INSYN2B: variants seen among roughly 807,000 people sequenced by gnomAD.
The protein encoded by INSYN2B is protein INSYN2B.
Under a neutral mutation model 41.2 loss-of-function variants are expected in INSYN2B, and 16 were observed. The observed-to-expected ratio is 0.39, with a 90% CI of 0.26 to 0.59. The LOEUF (loss-of-function observed/expected upper bound fraction) is 0.59, where lower values mean the gene tolerates loss of function less well. INSYN2B is among the 20% of genes least tolerant of loss of function. The pLI is 0.57. For synonymous variants in INSYN2B, 245 were observed against 244.4 expected (o/e 1.00, Z -0.02); for missense variants, 608 against 646.4 (o/e 0.94, Z 0.64).
intron 1 of INSYN2B, among the ~76,000 whole-genome samples, chr5:169,907,175 T>G (rs1019717256): frequency 2.0e-5 from 3 of 152,220 alleles, no homozygotes; most frequent in African/African-American, 7.2e-5. Context: ...TGAGGCATTT[T>G]GGTCACCAGT....
At chr5:169,969,929 T>C (rs76583300) in intron 1 of INSYN2B, among the ~76,000 whole-genome samples, 2,190 of 152,388 alleles carry the variant, frequency 0.014, 25 homozygotes, top group Middle Eastern at 0.065. Flanking sequence ...CAAGTTCTTC[T>C]GGTTTTTAAT....
rs1215983446 is a variant in INSYN2B at position 169,862,632 on chromosome 5, G to A, written c.*1641C>T. On this transcript the variant is annotated 3_prime_UTR_variant, in exon 4 of 4. Coordinates refer to ENST00000377365, the MANE Select transcript of INSYN2B (RefSeq NM_001129891.3). ...TATATATTCCGGTCTGATTCTGTGG[G>A]CTTAAACATTACACTAGAAACAGAA... Among the ~76,000 whole-genome samples the A allele has an allele frequency of 1.3e-5, 2 of 152,184 alleles. No individual in the cohort carries two copies. The highest frequency in any genetic ancestry group is 1.9e-4 in the East Asian group (1 of 5,194).
chr5:169,919,099 G>A (rs948816740), intron 1 of INSYN2B, among the ~76,000 whole-genome samples: 9 of 152,184 alleles, frequency 5.9e-5, no homozygotes, highest in African/African-American at 2.2e-4. Flanking sequence ...AGGACACTAT[G>A]ATCTTTGATT....
At chr5:169,897,980 A>G (rs1230485128) in intron 1 of INSYN2B, among the ~76,000 whole-genome samples, 7 of 152,220 alleles carry the variant, frequency 4.6e-5, no homozygotes, top group African/African-American at 1.7e-4. Flanking sequence ...GAGCAATCAA[A>G]TCACTTTTTA....
chr5:169,919,470 C>T (rs1775056075), intron 1 of INSYN2B, among the ~76,000 whole-genome samples: 1 of 152,136 alleles, frequency 6.6e-6, no homozygotes, highest in Admixed American at 6.5e-5. Flanking sequence ...ATTAATTGAC[C>T]CCAGGCTGGC....
chr5:169,947,002 C>A (rs1202692459), intron 1 of INSYN2B, among the ~76,000 whole-genome samples: 1 of 152,168 alleles, frequency 6.6e-6, no homozygotes, highest in African/African-American at 2.4e-5. Context: ...TGGAGAGGAG[C>A]GCTGAGTATA....
intron 1 of INSYN2B, among the ~76,000 whole-genome samples, chr5:169,933,359 G>T (rs1775845312): frequency 6.6e-6 from 1 of 152,176 alleles, no homozygotes; most frequent in South Asian, 2.1e-4. Flanking sequence ...CTAAGGATAT[G>T]ATTTCATTAG....
rs1425458901 is a variant in INSYN2B, at chr5:169,875,200, G to A, written c.1421+6168C>T. The A allele has an allele frequency of 2.8e-5, 13 of 456,448 alleles. No individual in the cohort carries two copies. In the East Asian group the frequency reaches 9.0e-4, roughly 32 times the overall value. 28.3% of individuals were successfully genotyped at this position (456,448 alleles called of 1,614,324 possible). ...ATTTTTTACCTAAAAAAATCCTTCT[G>A]CTTTATTTGAACCAACCATTCCCAG... is the stretch of plus-strand genomic sequence containing the variant. On this transcript the variant is annotated intron_variant, in intron 3 of 3. Coordinates refer to ENST00000377365, the MANE Select transcript of INSYN2B (RefSeq NM_001129891.3).
intron 1 of INSYN2B, among the ~76,000 whole-genome samples, chr5:169,937,756 G>A (rs1313334248): frequency 1.3e-5 from 2 of 152,206 alleles, no homozygotes; most frequent in Admixed American, 1.3e-4. Context: ...CTGGCAAGCT[G>A]CTCAAGGGAA....
rs544275214 is a variant in INSYN2B at position 169,926,447 on chromosome 5, G to A, written c.-918-41631C>T. 1.7e-4 allele frequency among the ~76,000 whole-genome samples: 26 copies of A among 152,136 alleles called. No individual in the cohort carries two copies. The Middle Eastern group carries it at 0.027, about 159-fold the overall frequency. On this transcript the variant is annotated intron_variant, in intron 1 of 3. Transcript: ENST00000377365. ...CCTTTTCCCTGATCACATGAGCCTC[G>A]GATTATGGTCTGCATTGATCTTCTG...
chr5:169,943,172 G>A (rs1218845774), intron 1 of INSYN2B, among the ~76,000 whole-genome samples: 1 of 152,170 alleles, frequency 6.6e-6, no homozygotes, highest in Non-Finnish European at 1.5e-5. Context: ...AAGTACCCGT[G>A]TGAAGTTGAG....
chr5:169,972,885 G>A (rs1291027595), intron 1 of INSYN2B, among the ~76,000 whole-genome samples: 1 of 152,080 alleles, frequency 6.6e-6, no homozygotes, highest in Non-Finnish European at 1.5e-5. Flanking sequence ...TTTGCAAAGG[G>A]GCCACCTCCA....
rs753735550 is a variant in INSYN2B at position 169,890,399 on chromosome 5, CT to C, written c.-918-5584del. On this transcript the variant is annotated intron_variant, in intron 1 of 3. Transcript: ENST00000377365. The stretch of plus-strand genomic sequence containing the variant: ...CCTTCCATTTGTCTTCAGTTAATTG[CT>C]TGGTCAAATCTGTTGGTAAGGGTTA... Among the ~76,000 whole-genome samples, 42 of 152,172 alleles carry C rather than the reference CT, an allele frequency of 2.8e-4. 1 individual carries two copies. The highest frequency in any genetic ancestry group is 1.9e-4 in the Non-Finnish European group (13 of 68,028).
At chr5:169,867,427 GTCTGTCTGTCTATCTATCTA>G (rs1256876723) in intron 3 of INSYN2B, among the ~76,000 whole-genome samples, 1 of 149,160 alleles carries the variant, frequency 6.7e-6, no homozygotes, top group East Asian at 2.1e-4. Flanking sequence ...CTGTCTGTCT[GTCTGTCTGTCTATCTATCTA>G]TCTGTCTGTC....
At position 169,863,952 on chromosome 5, in the gene INSYN2B, G is replaced by A. The variant is rs1342168307; in HGVS notation, c.*321C>T. 6.6e-6 allele frequency among the ~76,000 whole-genome samples: 1 copy of A among 152,192 alleles called. No homozygotes were observed. Among genetic ancestry groups the A allele is most frequent in the Non-Finnish European group, 1.5e-5 (1 of 68,040 alleles). On this transcript the variant is annotated 3_prime_UTR_variant, in exon 4 of 4. Coordinates refer to ENST00000377365, the MANE Select transcript of INSYN2B (RefSeq NM_001129891.3). ...CTTGGCATCTTGGAGGTGTTGGAAGGTGTAGTGTGGGGTTTTGCTCGTGGT... is the reference window on the plus strand; with the variant it reads ...CTTGGCATCTTGGAGGTGTTGGAAGATGTAGTGTGGGGTTTTGCTCGTGGT...
intron 1 of INSYN2B, among the ~76,000 whole-genome samples, chr5:169,944,601 C>A (rs1486952760): frequency 1.3e-5 from 2 of 152,212 alleles, no homozygotes; most frequent in Non-Finnish European, 2.9e-5. Context: ...CATTTTAATA[C>A]CTCTGTGCCT....
At chr5:169,868,254 G>T (rs952574358) in intron 3 of INSYN2B, among the ~76,000 whole-genome samples, 1 of 152,162 alleles carries the variant, frequency 6.6e-6, no homozygotes, top group African/African-American at 2.4e-5. Flanking sequence ...AGTAACAATT[G>T]CTTTCAAAAT....
chr5:169,913,701 T>A (rs1041110343), intron 1 of INSYN2B, among the ~76,000 whole-genome samples: 4 of 144,106 alleles, frequency 2.8e-5, no homozygotes, highest in Admixed American at 6.9e-5. Flanking sequence ...AAGTGCAGTC[T>A]TACCACGCCC....
At chr5:169,875,877 A>G (rs1403794449) in intron 3 of INSYN2B, 2 of 152,430 alleles carry the variant, frequency 1.3e-5, no homozygotes, top group East Asian at 1.9e-4. Context: ...AATTATGAGG[A>G]TTTATTCTGA....
Sources: allele counts gnomAD v4.1 joint callset (sites outside exome capture counted in the v4.1 genomes callset), GRCh38; gene constraint gnomAD v4.1.1; transcripts MANE v1.5; gene names NCBI Gene and HGNC (gene_info 2026-07-23, HGNC 2026-07-21).